The following TMPRSS2 variants were observed in gnomAD, a reference collection of about 807,000 sequenced individuals.
TMPRSS2 encodes the protein transmembrane protease serine 2.
In TMPRSS2, 59 loss-of-function variants were observed where a neutral mutation model predicts 67.4. That is an observed-to-expected ratio of 0.88 (90% CI 0.71 to 1.09). TMPRSS2 has a LOEUF of 1.09. TMPRSS2 is among the 50% of genes least tolerant of loss of function. The probability of loss-of-function intolerance (pLI) is 0.00; values close to 1 mark genes in which losing one functional copy is unlikely to be tolerated. For synonymous variants in TMPRSS2, 257 were observed against 257.0 expected, an observed-to-expected ratio of 1.00 and a Z score of 0.00; for missense variants, 668 against 642.7, an observed-to-expected ratio of 1.04 and a Z score of -0.43.
intron 1 of TMPRSS2, among the ~76,000 whole-genome samples, chr21:41,500,658 T>C (rs2091418205): frequency 6.6e-6 from 1 of 152,254 alleles, no homozygotes; most frequent in African/African-American, 2.4e-5. Flanking sequence ...GGTCATGTTG[T>C]AGCTTTGGGA....
Position 41,467,788 on chromosome 21 carries a change from T to C in TMPRSS2, c.1413A>G (p.Pro471=). Residue 471 remains proline, a synonymous_variant, in exon 13 of 14, where the codon CCA becomes CCG. Coordinates refer to ENST00000332149, the MANE Select transcript of TMPRSS2 (RefSeq NM_005656.4). ...ATACCATCACATTCCCGTACACTCCTGGTCTGTAAGCTTTGGCACAGCCAG... is the reference window on the plus strand; with the variant it reads ...ATACCATCACATTCCCGTACACTCCCGGTCTGTAAGCTTTGGCACAGCCAG... The part of the protein sequence containing the change: ...WGSGCAKAYR[P]GVYGNVMVFT... The C allele has an allele frequency of 6.2e-7, 1 of 1,614,260 alleles. No homozygotes were observed. Among genetic ancestry groups the C allele is most frequent in the Non-Finnish European group, 8.5e-7 (1 of 1,180,048 alleles).
At chr21:41,475,620 G>A (rs1402357795) in intron 8 of TMPRSS2, among the ~76,000 whole-genome samples, 10 of 23,344 alleles carry the variant, frequency 4.3e-4, no homozygotes, top group African/African-American at 1.2e-3. Context: ...GAGGTGAGGA[G>A]GTGAGTGAGG....
chr21:41,479,898 C>T (rs1026171805), intron 6 of TMPRSS2, among the ~76,000 whole-genome samples: 3 of 152,290 alleles, frequency 2.0e-5, no homozygotes, highest in South Asian at 2.1e-4. Flanking sequence ...GCCCCACCCC[C>T]GTTAGGAATC....
chr21:41,466,229 G>A, intron 13 of TMPRSS2, 76 bp from the exon 14 acceptor site: 2 of 1,511,676 alleles, frequency 1.3e-6, no homozygotes, highest in Non-Finnish European at 9.1e-7. Context: ...TTTCCTCTAG[G>A]TTCGCATGAA....
intron 3 of TMPRSS2, among the ~76,000 whole-genome samples, chr21:41,493,952 G>A (rs938322956): frequency 6.6e-6 from 1 of 152,218 alleles, no homozygotes; most frequent in African/African-American, 2.4e-5. Context: ...AACATGACCT[G>A]TCATATCCAG....
chr21:41,506,816 TC>T (rs2091461145), intron 1 of TMPRSS2, among the ~76,000 whole-genome samples: 1 of 152,240 alleles, frequency 6.6e-6, no homozygotes, highest in Non-Finnish European at 1.5e-5. Flanking sequence ...TTTGTAATTT[TC>T]CATGATTCGG....
In TMPRSS2 at chr21:41,476,586, G is replaced by T; in HGVS notation, c.718C>A (p.Arg240Ser). The part of the protein sequence containing the change: ...ACSSKAVVSL[R>S]CIACGVNLNS... The stretch of plus-strand genomic sequence containing the variant: ...CTCCAGATGAACTTACCTATACAGC[G>T]TAAAGAAACCACTGCTTTTGAAGAA... Residue 240 changes from arginine to serine, a missense_variant, in exon 8 of 14, where the codon CGC becomes AGC. Physicochemically the swap from Arg to Ser is moderately radical, Grantham distance 110 (BLOSUM62 -1). Transcript: ENST00000332149. The T allele has an allele frequency of 1.2e-6, 2 of 1,613,152 alleles. No individual in the cohort carries two copies. The highest frequency in any genetic ancestry group is 1.1e-5 in the South Asian group (1 of 91,040).
At chr21:41,477,220 G>T (rs979884846) in intron 7 of TMPRSS2, among the ~76,000 whole-genome samples, 1 of 152,180 alleles carries the variant, frequency 6.6e-6, no homozygotes. Context: ...TAGCTGGGCC[G>T]TGTGCTCTGC....
At chr21:41,494,674 A>T (rs986069984) in intron 2 of TMPRSS2, 96 bp from the exon 3 acceptor site, 2 of 1,097,506 alleles carry the variant, frequency 1.8e-6, no homozygotes, top group South Asian at 2.7e-5. Flanking sequence ...TATACCAATG[A>T]TCTTTTAAAT....
At chr21:41,506,848 C>A (rs1435803359) in intron 1 of TMPRSS2, among the ~76,000 whole-genome samples, 1 of 152,240 alleles carries the variant, frequency 6.6e-6, no homozygotes, top group Non-Finnish European at 1.5e-5. Flanking sequence ...CGGCTGGGAG[C>A]TCCGTGAGGT....
Position 41,468,502 on chromosome 21 carries a change from A to G in TMPRSS2, c.1208T>C (p.Leu403Pro), listed in dbSNP as rs1243151816. The part of the protein sequence containing the change: ...TSEVLNAAKV[L>P]LIETQRCNSR... ...GTTGCATCTCTGTGTCTCAATGAGA[A>G]GCACCTTGGCAGCGTTCAGCACTTC... The change falls in exon 12 of 14, where the codon CTT becomes CCT. Residue 403 changes from leucine to proline, a missense_variant. Physicochemically the swap from Leu to Pro is moderately conservative, Grantham distance 98 (BLOSUM62 -3). Transcript: ENST00000332149. The G allele has an allele frequency of 6.2e-7, 1 of 1,614,170 alleles. No individual in the cohort carries two copies. Among genetic ancestry groups the G allele is most frequent in the Non-Finnish European group, 8.5e-7 (1 of 1,180,018 alleles).
At chr21:41,495,613 G>A (rs1295009117) in intron 2 of TMPRSS2, among the ~76,000 whole-genome samples, 3 of 111,506 alleles carry the variant, frequency 2.7e-5, no homozygotes, top group South Asian at 4.0e-4. Context: ...CGACAAGAGC[G>A]AAACTCCCGT....
At chr21:41,469,524 C>T (rs2091112979) in intron 11 of TMPRSS2, among the ~76,000 whole-genome samples, 1 of 152,174 alleles carries the variant, frequency 6.6e-6, no homozygotes, top group Non-Finnish European at 1.5e-5. Flanking sequence ...AGCCCACCTC[C>T]TTGGCCCCTT....
chr21:41,501,240 A>G (rs1044129049), intron 1 of TMPRSS2, among the ~76,000 whole-genome samples: 1 of 152,230 alleles, frequency 6.6e-6, no homozygotes, highest in African/African-American at 2.4e-5. Context: ...AACATGATAA[A>G]CAAAAATATT....
intron 5 of TMPRSS2, among the ~76,000 whole-genome samples, chr21:41,482,695 C>A (rs559351471): frequency 1.3e-5 from 2 of 152,132 alleles, no homozygotes; most frequent in African/African-American, 2.4e-5. Flanking sequence ...GAGTCGGTCA[C>A]AGGTTACATG....
intron 1 of TMPRSS2, among the ~76,000 whole-genome samples, chr21:41,505,995 G>T (rs1366678452): frequency 6.6e-6 from 1 of 152,138 alleles, no homozygotes; most frequent in Non-Finnish European, 1.5e-5. Context: ...TTACAATTGA[G>T]TTAAGTACAT....
intron 2 of TMPRSS2, among the ~76,000 whole-genome samples, chr21:41,497,850 T>C (rs1400464387): frequency 1.3e-5 from 2 of 152,196 alleles, no homozygotes; most frequent in East Asian, 3.9e-4. Context: ...CCCTGCCCCC[T>C]GCCCTGCAAA....
Position 41,494,584 on chromosome 21 carries a change from C to G in TMPRSS2, c.16-6G>C. ...CCAATAGCTGGTGGTGACCCCTAAA[C>G]AGTTGAAAAGAAGATGAATAATATA... On this transcript the variant is annotated splice_region_variant and splice_polypyrimidine_tract_variant and intron_variant, in intron 2 of 13. Transcript: ENST00000332149. The G allele has an allele frequency of 6.2e-7, 1 of 1,612,816 alleles. No individual in the cohort carries two copies. Among genetic ancestry groups the G allele is most frequent in the Non-Finnish European group, 8.5e-7 (1 of 1,179,532 alleles).
At chr21:41,475,623 GAGTGAGGGTTGA>G (rs2091204212) in intron 8 of TMPRSS2, among the ~76,000 whole-genome samples, 1 of 22,770 alleles carries the variant, frequency 4.4e-5, no homozygotes, top group Admixed American at 3.5e-4. Flanking sequence ...GTGAGGAGGT[GAGTGAGGGTTGA>G]GGGAGTGAGG....
Sources: gnomAD v4.1 joint callset for allele counts (sites outside exome capture counted in the v4.1 genomes callset) on GRCh38, gnomAD v4.1.1 for gene constraint, MANE v1.5 for transcripts, NCBI Gene and HGNC (gene_info 2026-07-23, HGNC 2026-07-21) for gene names.